Variants in TMEM132D observed in about 807,000 individuals in gnomAD.
TMEM132D encodes mature OL transmembrane protein.
A neutral mutation model predicts 62.3 loss-of-function variants in TMEM132D; 21 were observed. The ratio of observed to expected loss-of-function variants is 0.34; its 90% CI spans 0.24 to 0.49. The LOEUF is 0.49. TMEM132D is among the 20% of genes least tolerant of loss of function. The pLI is 0.99. For synonymous variants in TMEM132D, 621 were observed against 575.6 expected (o/e 1.08, Z -1.13); for missense variants, 1,346 against 1,402.8 (o/e 0.96, Z 0.65).
intron 1 of TMEM132D, among the ~76,000 whole-genome samples, chr12:129,834,928 T>C (rs1268214115): frequency 6.6e-6 from 1 of 152,068 alleles, no homozygotes. Context: ...CTATGGAGAA[T>C]TGAACAGAAG....
At chr12:129,649,817 TGTATATGTGC>T (rs2137182018) in intron 2 of TMEM132D, among the ~76,000 whole-genome samples, 1 of 152,092 alleles carries the variant, frequency 6.6e-6, no homozygotes, top group African/African-American at 2.4e-5. Context: ...TGTGTATGTG[TGTATATGTGC>T]GTATGTGCAT....
At chr12:129,632,973 G>C (rs1879385391) in intron 2 of TMEM132D, among the ~76,000 whole-genome samples, 2 of 152,100 alleles carry the variant, frequency 1.3e-5, no homozygotes, top group Non-Finnish European at 2.9e-5. Context: ...GTTCATTCAG[G>C]GCCAGGACCA....
rs1446591987 is a variant in TMEM132D at position 129,140,079 on chromosome 12, G to T, written c.1444-55377C>A. Among the ~76,000 whole-genome samples the T allele has an allele frequency of 2.6e-5, 4 of 151,688 alleles. 1 individual carries two copies. The South Asian group carries it at 8.3e-4, about 32-fold the overall frequency. On this transcript the variant is annotated intron_variant, in intron 5 of 8. Transcript: ENST00000422113. ...TCTTTTTCATTTTTTTTAAGATATTGTTCACATATGGTAAAATTCAACAGT... is the reference window on the plus strand; with the variant it reads ...TCTTTTTCATTTTTTTTAAGATATTTTTCACATATGGTAAAATTCAACAGT...
intron 5 of TMEM132D, among the ~76,000 whole-genome samples, chr12:129,204,107 C>T (rs1402917379): frequency 6.6e-6 from 1 of 152,180 alleles, no homozygotes; most frequent in Non-Finnish European, 1.5e-5. Context: ...AAAACTCTGG[C>T]AACTGAAAAA....
intron 4 of TMEM132D, among the ~76,000 whole-genome samples, chr12:129,216,479 A>T (rs1376655714): frequency 6.6e-6 from 1 of 152,208 alleles, no homozygotes; most frequent in Admixed American, 6.5e-5. Context: ...AGGAAGATGG[A>T]GCCAGAGATT....
At chr12:129,295,194 G>A (rs958825073) in intron 4 of TMEM132D, among the ~76,000 whole-genome samples, 6 of 151,264 alleles carry the variant, frequency 4.0e-5, no homozygotes, top group Non-Finnish European at 5.9e-5. Context: ...CGACCACTAC[G>A]GAACACTGCT....
At chr12:129,347,005 G>T (rs4759468) in intron 3 of TMEM132D, among the ~76,000 whole-genome samples, 1 of 151,934 alleles carries the variant, frequency 6.6e-6, no homozygotes, top group African/African-American at 2.4e-5. Flanking sequence ...TATGAGGGAC[G>T]TGAAGGACCT....
intron 4 of TMEM132D, among the ~76,000 whole-genome samples, chr12:129,290,011 C>T (rs1450598703): frequency 6.6e-6 from 1 of 152,078 alleles, no homozygotes; most frequent in Non-Finnish European, 1.5e-5. Flanking sequence ...TTGAATGGGT[C>T]TGTATTTATT....
chr12:129,239,396 G>A (rs1465640123), intron 4 of TMEM132D, among the ~76,000 whole-genome samples: 1 of 152,118 alleles, frequency 6.6e-6, no homozygotes, highest in Non-Finnish European at 1.5e-5. Context: ...GATGGTGTAA[G>A]GTAAGGGCCC....
At chr12:129,878,453 G>T (rs150761674) in intron 1 of TMEM132D, among the ~76,000 whole-genome samples, 1 of 152,184 alleles carries the variant, frequency 6.6e-6, no homozygotes. Flanking sequence ...GCTCCATGTC[G>T]CTGGTTTTAG....
intron 3 of TMEM132D, among the ~76,000 whole-genome samples, chr12:129,385,442 A>T (rs1365899767): frequency 6.6e-6 from 1 of 152,092 alleles, no homozygotes; most frequent in East Asian, 1.9e-4. Flanking sequence ...TTATACATTT[A>T]CTAGGACACT....
chr12:129,505,026 G>A (rs1381393970), intron 3 of TMEM132D, among the ~76,000 whole-genome samples: 1 of 152,152 alleles, frequency 6.6e-6, no homozygotes, highest in East Asian at 1.9e-4. Context: ...TGGTTTCGAA[G>A]GTTTCTTTTG....
At position 129,869,810 on chromosome 12, in the gene TMEM132D, T is replaced by C. The variant is rs147287388; in HGVS notation, c.79+33451A>G. Among the ~76,000 whole-genome samples the C allele has an allele frequency of 2.6e-5, 4 of 152,304 alleles. No individual in the cohort carries two copies. In the East Asian group the frequency reaches 7.7e-4, roughly 29 times the overall value. On this transcript the variant is annotated intron_variant, in intron 1 of 8. Transcript: ENST00000422113. The stretch of plus-strand genomic sequence containing the variant: ...TGATAACCGTTCTGCCAATGGGTCA[T>C]TGCACAGTATCATACACATGAATAT...
intron 3 of TMEM132D, among the ~76,000 whole-genome samples, chr12:129,361,095 A>T (rs1380660531): frequency 6.7e-6 from 1 of 149,880 alleles, no homozygotes; most frequent in Non-Finnish European, 1.5e-5. Flanking sequence ...TCCACTGAGC[A>T]ATTAATGGCT....
intron 1 of TMEM132D, among the ~76,000 whole-genome samples, chr12:129,883,599 G>A (rs1234111343): frequency 1.3e-5 from 2 of 152,120 alleles, no homozygotes; most frequent in Non-Finnish European, 2.9e-5. Context: ...AAACATTTCT[G>A]AATAAGAATA....
chr12:129,585,101 A>G (rs1423768482), intron 2 of TMEM132D, among the ~76,000 whole-genome samples: 1 of 152,258 alleles, frequency 6.6e-6, no homozygotes, highest in Non-Finnish European at 1.5e-5. Context: ...GACATATAAC[A>G]CTGATCAATA....
intron 1 of TMEM132D, among the ~76,000 whole-genome samples, chr12:129,828,191 T>C (rs1872711775): frequency 6.6e-6 from 1 of 152,156 alleles, no homozygotes; most frequent in Non-Finnish European, 1.5e-5. Context: ...TGAAATGATC[T>C]CTCACCCTCT....
intron 2 of TMEM132D, among the ~76,000 whole-genome samples, chr12:129,651,277 A>G (rs1420507684): frequency 3.3e-5 from 5 of 152,310 alleles, no homozygotes; most frequent in Middle Eastern, 3.4e-3. Context: ...TTAACTGAGC[A>G]TATTCTTTTC....
At chr12:129,754,702 G>A (rs1870108411) in intron 1 of TMEM132D, among the ~76,000 whole-genome samples, 1 of 152,138 alleles carries the variant, frequency 6.6e-6, no homozygotes, top group Non-Finnish European at 1.5e-5. Flanking sequence ...TAAAACCAAA[G>A]TGCTTTTTAC....
Sources: gnomAD v4.1 joint callset for allele counts (sites outside exome capture counted in the v4.1 genomes callset) on GRCh38, gnomAD v4.1.1 for gene constraint, MANE v1.5 for transcripts, NCBI Gene and HGNC (gene_info 2026-07-23, HGNC 2026-07-21) for gene names.